Variants in SAMD3 observed in about 807,000 individuals in gnomAD.
The protein encoded by SAMD3 is sterile alpha motif domain containing 3, also known as sterile alpha motif domain-containing protein 3.
A neutral mutation model predicts 58.5 loss-of-function variants in SAMD3; 63 were observed. That is an observed-to-expected ratio of 1.08 (90% CI 0.88 to 1.33). The LOEUF (loss-of-function observed/expected upper bound fraction) is 1.33, where lower values mean the gene tolerates loss of function less well. Ranked by LOEUF, SAMD3 falls within the 40% of genes most tolerant of loss-of-function variation. SAMD3 has a pLI of 0.00. For synonymous variants in SAMD3, 220 were observed against 210.3 expected, an observed-to-expected ratio of 1.05 and a Z score of -0.40; for missense variants, 604 against 608.4, an observed-to-expected ratio of 0.99 and a Z score of 0.08.
At chr6:130,365,427 C>T (rs540139125), upstream of SAMD3, 6,692 of 985,478 alleles carry the variant, frequency 6.8e-3, 33 homozygotes, top group Non-Finnish European at 7.5e-3. Context: ...GCGTCTTTTC[C>T]GGCCAGGTTT....
intron 2 of SAMD3, among the ~76,000 whole-genome samples, chr6:130,247,402 G>T (rs1773584999): frequency 6.6e-6 from 1 of 151,878 alleles, no homozygotes; most frequent in Non-Finnish European, 1.5e-5. Context: ...GGAAGGCAGA[G>T]GTTGCAGTGA....
At chr6:130,186,122 C>T (rs941582813) in intron 5 of SAMD3, among the ~76,000 whole-genome samples, 1 of 151,948 alleles carries the variant, frequency 6.6e-6, no homozygotes, top group African/African-American at 2.4e-5. Context: ...TAGCTCTTAA[C>T]CCATTTATAA....
intron 1 of SAMD3, among the ~76,000 whole-genome samples, chr6:130,331,688 C>T (rs1776939935): frequency 1.3e-5 from 2 of 152,160 alleles, no homozygotes; most frequent in African/African-American, 4.8e-5. Flanking sequence ...CATTGCACTC[C>T]AGTCTGGGCA....
At chr6:130,302,220 G>C (rs181894489) in intron 2 of SAMD3, among the ~76,000 whole-genome samples, 154 of 152,166 alleles carry the variant, frequency 1.0e-3, no homozygotes, top group African/African-American at 3.6e-3. Flanking sequence ...CTAATATCCA[G>C]AATCTATATG....
At chr6:130,303,819 T>C (rs1319274564) in intron 2 of SAMD3, among the ~76,000 whole-genome samples, 2 of 152,226 alleles carry the variant, frequency 1.3e-5, no homozygotes, top group South Asian at 2.1e-4. Context: ...TATAAAATAA[T>C]GTCACCTCCA....
chr6:130,325,813 C>A (rs1414278459), intron 1 of SAMD3, among the ~76,000 whole-genome samples: 2 of 152,168 alleles, frequency 1.3e-5, no homozygotes, highest in Non-Finnish European at 2.9e-5. Flanking sequence ...CTGAACTCAT[C>A]ATCATCCTCT....
At chr6:130,279,130 GTAT>G (rs1774891072) in intron 2 of SAMD3, among the ~76,000 whole-genome samples, 1 of 152,064 alleles carries the variant, frequency 6.6e-6, no homozygotes, top group Non-Finnish European at 1.5e-5. Context: ...CTATCTAATA[GTAT>G]TATTATAAGA....
At chr6:130,251,286 A>C (rs922415048) in intron 2 of SAMD3, among the ~76,000 whole-genome samples, 5 of 152,006 alleles carry the variant, frequency 3.3e-5, no homozygotes, top group African/African-American at 9.7e-5. Flanking sequence ...TTTGTCTTAC[A>C]CTCTTGAGTT....
At chr6:130,262,818 T>C (rs1774191134) in intron 2 of SAMD3, among the ~76,000 whole-genome samples, 1 of 152,144 alleles carries the variant, frequency 6.6e-6, no homozygotes, top group Non-Finnish European at 1.5e-5. Flanking sequence ...TAATCAAGTT[T>C]CAAAATGTTA....
chr6:130,343,429 T>C (rs1271507877), intron 1 of SAMD3, among the ~76,000 whole-genome samples: 1 of 152,188 alleles, frequency 6.6e-6, no homozygotes, highest in Non-Finnish European at 1.5e-5. Context: ...TGCAGTATTG[T>C]AAGAAAGCTA....
At chr6:130,154,695 GAAAAAAAAAAAA>G (rs145408019) in intron 9 of SAMD3, 118 bp downstream of exon 9, 17 of 108,726 alleles carry the variant, frequency 1.6e-4, no homozygotes, top group Middle Eastern at 5.3e-3. Context: ...GACTCTGTCT[GAAAAAAAAAAAA>G]AAAAAAAAAA....
intron 5 of SAMD3, among the ~76,000 whole-genome samples, chr6:130,203,353 G>T (rs1030453503): frequency 1.1e-4 from 16 of 152,116 alleles, no homozygotes; most frequent in African/African-American, 3.4e-4. Flanking sequence ...CTTGTCCAAG[G>T]TTACTCAGCT....
chr6:130,270,316 C>T (rs990806226), intron 2 of SAMD3, among the ~76,000 whole-genome samples: 3 of 152,208 alleles, frequency 2.0e-5, no homozygotes, highest in African/African-American at 7.2e-5. Flanking sequence ...TGGTCTCAAA[C>T]TCCTGGCCTC....
chr6:130,222,998 G>A (rs947307617), upstream of SAMD3: 4 of 152,172 alleles, frequency 2.6e-5, no homozygotes, highest in African/African-American at 7.2e-5. Flanking sequence ...TTGAAACAGG[G>A]TGGATCTCAG....
chr6:130,326,780 G>T (rs1347194560), intron 1 of SAMD3, among the ~76,000 whole-genome samples: 1 of 152,150 alleles, frequency 6.6e-6, no homozygotes. Flanking sequence ...ACTATTCTGG[G>T]CATGGGTACT....
chr6:130,298,924 CGT>C (rs1468736406), intron 2 of SAMD3, among the ~76,000 whole-genome samples: 1 of 151,760 alleles, frequency 6.6e-6, no homozygotes, highest in Non-Finnish European at 1.5e-5. Flanking sequence ...TTCAACACTG[CGT>C]ATGCACTGAA....
chr6:130,205,287 TTATTA>T (rs1794988336), intron 5 of SAMD3, among the ~76,000 whole-genome samples: 1 of 150,172 alleles, frequency 6.7e-6, no homozygotes, highest in Admixed American at 6.6e-5. Flanking sequence ...AAGTTCTATT[TTATTA>T]TATTTTATTT....
At chr6:130,251,166 T>C (rs1773725024) in intron 2 of SAMD3, among the ~76,000 whole-genome samples, 1 of 152,222 alleles carries the variant, frequency 6.6e-6, no homozygotes. Context: ...TGGTTTTGAG[T>C]TGCATTTCCA....
intron 5 of SAMD3, among the ~76,000 whole-genome samples, chr6:130,191,200 C>CGTGAGAGTTTACTATGCA (rs1300992848): frequency 1.8e-4 from 27 of 151,916 alleles, no homozygotes; most frequent in Admixed American, 3.9e-4. Flanking sequence ...AATTAGACAC[C>CGTGAGAGTTTACTATGCA]GTGAGAGTTT....
Sources: gnomAD v4.1 joint callset for allele counts (sites outside exome capture counted in the v4.1 genomes callset) on GRCh38, gnomAD v4.1.1 for gene constraint, MANE v1.5 for transcripts, NCBI Gene and HGNC (gene_info 2026-07-23, HGNC 2026-07-21) for gene names.